Variants in TRMO observed in about 807,000 individuals in gnomAD.
The protein encoded by TRMO is tRNA methyltransferase O, also known as tRNA (adenine(37)-N6)-methyltransferase.
A neutral mutation model predicts 37.2 loss-of-function variants in TRMO; 30 were observed. That is an observed-to-expected ratio of 0.81 (90% confidence interval 0.60 to 1.09). The LOEUF is 1.09. TRMO is among the 50% of genes least tolerant of loss of function. The probability of loss-of-function intolerance (pLI) is 0.00; values close to 1 mark genes in which losing one functional copy is unlikely to be tolerated. For missense variants in TRMO, 552 were observed against 549.5 expected (o/e 1.00, Z -0.05); for synonymous variants, 239 against 199.4 (o/e 1.20, Z -1.67).
chr9:97,918,386 C>CAA (rs148191282), intron 1 of TRMO, among the ~76,000 whole-genome samples: 5 of 125,018 alleles, frequency 4.0e-5, no homozygotes, highest in East Asian at 2.5e-4. Context: ...GACTCCATCT[C>CAA]AAAAAAAAAA....
At chr9:97,916,490 A>C in intron 1 of TRMO, 152 bp from the exon 2 acceptor site, 1 of 603,640 alleles carries the variant, frequency 1.7e-6, no homozygotes, top group Non-Finnish European at 2.9e-6. Context: ...ATGAATACGT[A>C]TAAGTATTCT....
rs1246335299 is a variant in TRMO at position 97,922,459 on chromosome 9, G to GTAGGCC, written c.29_34dup (p.Arg10_Pro11dup). On this transcript the variant is annotated inframe_insertion, in exon 1 of 5. Transcript: ENST00000375119. ...CTTAACGCAGCCGCACGGGGTCGCT[G>GTAGGCC]TAGGCCGAGGCCCCGACTCCTCCAA... The GTAGGCC allele has an allele frequency of 8.8e-6, 14 of 1,588,008 alleles. No individual in the cohort carries two copies. The Middle Eastern group carries it at 1.2e-3, about 131-fold the overall frequency.
intron 1 of TRMO, among the ~76,000 whole-genome samples, chr9:97,922,040 C>T (rs1170793811): frequency 6.6e-6 from 1 of 152,166 alleles, no homozygotes; most frequent in Non-Finnish European, 1.5e-5. Flanking sequence ...CCTTCTCTGT[C>T]CTCATTCCTA....
intron 1 of TRMO, among the ~76,000 whole-genome samples, chr9:97,917,781 C>CGACTCTCGTGCCTCAGTCTCCCAAGT (rs1564113185): frequency 1.3e-5 from 2 of 151,850 alleles, no homozygotes; most frequent in Admixed American, 1.3e-4. Flanking sequence ...CAGGCTCAAG[C>CGACTCTCGTGCCTCAGTCTCCCAAGT]GACTCTCGTG....
chr9:97,907,263 G>A (rs1564104866), intron 4 of TRMO, among the ~76,000 whole-genome samples: 1 of 152,196 alleles, frequency 6.6e-6, no homozygotes, highest in Non-Finnish European at 1.5e-5. Flanking sequence ...GCCCTGGCAG[G>A]TGGCTGCCTC....
intron 2 of TRMO, among the ~76,000 whole-genome samples, chr9:97,914,515 C>T (rs1826263728): frequency 6.6e-6 from 1 of 152,034 alleles, no homozygotes; most frequent in East Asian, 1.9e-4. Flanking sequence ...TACCTTCTAA[C>T]CCAATATATC....
In TRMO at chr9:97,922,345, C is replaced by T. The variant is rs1587846996; in HGVS notation, c.76+73G>A. The T allele has an allele frequency of 6.8e-6, 7 of 1,026,136 alleles. No individual in the cohort carries two copies. In the South Asian group the frequency reaches 6.9e-5, roughly 10 times the overall value. The allele number at this position is 1,026,136 out of a possible 1,614,324, so 63.6% of individuals were successfully genotyped here. On this transcript the variant is annotated intron_variant, in intron 1 of 4. Coordinates refer to ENST00000375119, the MANE Select transcript of TRMO (RefSeq NM_016481.5). ...AGTTCCAGATCGTGCGTTTTACACC[C>T]CTCTCGGCAACGAAGTCCGCTGCCT...
chr9:97,914,035 G>C (rs1038535548), intron 2 of TRMO: 1 of 152,634 alleles, frequency 6.6e-6, no homozygotes, highest in African/African-American at 2.4e-5. Context: ...TCCTAAAAAA[G>C]ATACAAAACC....
chr9:97,916,232 CCT>C lies in TRMO; in HGVS notation c.181_182del (p.Arg61AspfsTer2), dbSNP rs757305898. The C allele has an allele frequency of 2.5e-6, 4 of 1,613,554 alleles. No homozygotes were observed. Among genetic ancestry groups the C allele is most frequent in the Non-Finnish European group, 2.5e-6 (3 of 1,179,726 alleles). ...SICSYSRACL[R>X]IRKRIFNNPE... ...GATTATTAAAGATCCTCTTTCTAAT[CCT>C]CAAACAGGCTCGAGAATAGCTACAA... On this transcript the variant is annotated frameshift_variant, in exon 2 of 5. Transcript: ENST00000375119. LOFTEE classifies it high-confidence loss of function.
chr9:97,913,011 G>A, intron 3 of TRMO: 1 of 955,922 alleles, frequency 1.0e-6, no homozygotes, highest in South Asian at 1.3e-5. Context: ...CAGTCTATGT[G>A]TTTTCCATAT....
At position 97,910,280 on chromosome 9, in the gene TRMO, T is replaced by TC; in HGVS notation, c.745dup (p.Glu249GlyfsTer13). The TC allele has an allele frequency of 6.2e-7, 1 of 1,614,208 alleles. No individual in the cohort carries two copies. Among genetic ancestry groups the TC allele is most frequent in the Non-Finnish European group, 8.5e-7 (1 of 1,180,034 alleles). On this transcript the variant is annotated frameshift_variant, in exon 4 of 5. Transcript: ENST00000375119. LOFTEE classifies it high-confidence loss of function. Reference sequence around the variant, plus strand: ...TTCCAAACCAAAATCCACTGCTATCTCCCTGTGCATAGGAAATGCTTGCTG... The same window carrying TC: ...TTCCAAACCAAAATCCACTGCTATCTCCCCTGTGCATAGGAAATGCTTGCTG...
At chr9:97,907,515 T>C (rs1026254999) in intron 4 of TRMO, among the ~76,000 whole-genome samples, 17 of 152,164 alleles carry the variant, frequency 1.1e-4, no homozygotes, top group African/African-American at 3.9e-4. Context: ...GTATCTTTGG[T>C]TGTGTAAGCC....
At chr9:97,922,287 G>C in intron 1 of TRMO, 131 bp downstream of exon 1, 1 of 662,138 alleles carries the variant, frequency 1.5e-6, no homozygotes, top group East Asian at 2.8e-5. Context: ...CGTGACCCGT[G>C]CCTTCGCCGT....
intron 4 of TRMO, 97 bp from the exon 5 acceptor site, chr9:97,905,089 T>C: frequency 1.6e-6 from 2 of 1,275,400 alleles, no homozygotes; most frequent in Non-Finnish European, 2.2e-6. Context: ...TCCTTAAAGA[T>C]CACTTGACAT....
At chr9:97,902,593 C>A (rs556229225), downstream of TRMO, among the ~76,000 whole-genome samples, 7 of 152,278 alleles carry the variant, frequency 4.6e-5, no homozygotes, top group South Asian at 4.1e-4. Flanking sequence ...TGAGCCACTG[C>A]GCCCAGCCTA....
intron 4 of TRMO, among the ~76,000 whole-genome samples, chr9:97,908,348 C>G (rs1171208253): frequency 1.3e-5 from 2 of 148,386 alleles, no homozygotes; most frequent in Non-Finnish European, 3.0e-5. Flanking sequence ...GGAGGCGGAG[C>G]TTGCAGTGAG....
chr9:97,898,190 T>C, the TRMO span, among the ~76,000 whole-genome samples: 1 of 152,202 alleles, frequency 6.6e-6, no homozygotes. Context: ...CCATTTGCTG[T>C]TCACAGCCAC....
chr9:97,909,540 C>T (rs1333789708), intron 4 of TRMO, among the ~76,000 whole-genome samples: 1 of 152,136 alleles, frequency 6.6e-6, no homozygotes, highest in Non-Finnish European at 1.5e-5. Context: ...GCTGAGCTAT[C>T]GACTACCTGA....
intron 4 of TRMO, among the ~76,000 whole-genome samples, chr9:97,908,379 T>C (rs1318464166): frequency 7.3e-6 from 1 of 137,154 alleles, no homozygotes; most frequent in African/African-American, 2.8e-5. Context: ...GCCATTGCAC[T>C]CCAGCCTGGG....
Sources: allele counts gnomAD v4.1 joint callset (sites outside exome capture counted in the v4.1 genomes callset), GRCh38; gene constraint gnomAD v4.1.1; transcripts MANE v1.5; gene names NCBI Gene and HGNC (gene_info 2026-07-23, HGNC 2026-07-21).